PTPRD: variants seen among roughly 807,000 people sequenced by gnomAD.
PTPRD encodes receptor-type tyrosine-protein phosphatase delta.
In PTPRD, 34 loss-of-function variants were observed where a neutral mutation model predicts 214.5. That is an observed-to-expected ratio of 0.16 (90% CI 0.12 to 0.21). The LOEUF (loss-of-function observed/expected upper bound fraction) is 0.21. Among genes scored for constraint, PTPRD ranks in the 10% least tolerant of loss-of-function variants. The pLI, the probability that PTPRD is intolerant of heterozygous loss-of-function variation, is 1.00. For synonymous variants in PTPRD, 1,128 were observed against 845.7 expected (o/e 1.33, Z -5.79); for missense variants, 2,545 against 2,398.7 (o/e 1.06, Z -1.27).
chr9:9,991,663 G>A (rs1332543406), intron 4 of PTPRD, among the ~76,000 whole-genome samples: 1 of 152,120 alleles, frequency 6.6e-6, no homozygotes, highest in Non-Finnish European at 1.5e-5. Flanking sequence ...GCCCGGCCCA[G>A]CCCAAAATAT....
chr9:9,781,926 G>C (rs953110161), intron 5 of PTPRD, among the ~76,000 whole-genome samples: 1 of 151,974 alleles, frequency 6.6e-6, no homozygotes, highest in African/African-American at 2.4e-5. Flanking sequence ...CCAAGTAGCT[G>C]GGACTACAGG....
chr9:8,338,914 C>G lies in PTPRD; in HGVS notation c.5379+8G>C, dbSNP rs886986840. ...AATGGTTAAGAGTTGAAGACTGTGC[C>G]AACTTACCCTGGCATCTGTGACCTT... On this transcript the variant is annotated splice_region_variant and intron_variant, in intron 43 of 45. Transcript: ENST00000381196. The G allele has an allele frequency of 6.2e-7, 1 of 1,602,602 alleles. No individual in the cohort carries two copies. The highest frequency in any genetic ancestry group is 1.3e-5 in the African/African-American group (1 of 74,404).
At chr9:8,445,372 T>C (rs1053738604) in intron 34 of PTPRD, among the ~76,000 whole-genome samples, 3 of 152,176 alleles carry the variant, frequency 2.0e-5, no homozygotes. Context: ...ACACTTACAA[T>C]CAATCATGCA....
At chr9:9,815,229 C>T (rs867105103) in intron 5 of PTPRD, among the ~76,000 whole-genome samples, 17 of 152,198 alleles carry the variant, frequency 1.1e-4, no homozygotes, top group Middle Eastern at 6.8e-3. Flanking sequence ...ATAAGGTCGG[C>T]TAATCTTTGA....
At chr9:9,052,226 G>A (rs751730676) in intron 10 of PTPRD, among the ~76,000 whole-genome samples, 13 of 152,114 alleles carry the variant, frequency 8.5e-5, no homozygotes, top group Non-Finnish European at 1.3e-4. Context: ...CCATTCATGA[G>A]GGTTCTGCCC....
chr9:9,861,797 A>G (rs1156747748), intron 5 of PTPRD, among the ~76,000 whole-genome samples: 1 of 152,196 alleles, frequency 6.6e-6, no homozygotes, highest in Non-Finnish European at 1.5e-5. Flanking sequence ...AATGACAAGA[A>G]AAACAAGTCA....
chr9:8,653,321 C>T (rs1021506993), intron 12 of PTPRD, among the ~76,000 whole-genome samples: 1 of 152,140 alleles, frequency 6.6e-6, no homozygotes, highest in East Asian at 1.9e-4. Flanking sequence ...AAGACAAAAA[C>T]AGTGTTTAGA....
intron 11 of PTPRD, among the ~76,000 whole-genome samples, chr9:8,909,262 T>A (rs1007301319): frequency 6.6e-6 from 1 of 152,118 alleles, no homozygotes; most frequent in Non-Finnish European, 1.5e-5. Context: ...CATTCTATGA[T>A]GCTGGCATTA....
At chr9:9,625,131 T>C (rs1384499405) in intron 7 of PTPRD, among the ~76,000 whole-genome samples, 2 of 152,210 alleles carry the variant, frequency 1.3e-5, no homozygotes, top group Non-Finnish European at 2.9e-5. Flanking sequence ...CAGTAGTTCT[T>C]GGACCTGCCT....
At chr9:8,819,113 G>T (rs7864631) in intron 11 of PTPRD, among the ~76,000 whole-genome samples, 1 of 152,000 alleles carries the variant, frequency 6.6e-6, no homozygotes, top group Admixed American at 6.6e-5. Flanking sequence ...TATCCTTAAC[G>T]TTGTTAGGAT....
At chr9:10,597,544 A>G (rs1306659264) in intron 2 of PTPRD, among the ~76,000 whole-genome samples, 2 of 151,952 alleles carry the variant, frequency 1.3e-5, no homozygotes, top group East Asian at 3.9e-4. Flanking sequence ...ACTTTAAAAT[A>G]ATGCATGACT....
intron 9 of PTPRD, among the ~76,000 whole-genome samples, chr9:9,318,601 A>C (rs554273655): frequency 6.6e-6 from 1 of 152,314 alleles, no homozygotes; most frequent in South Asian, 2.1e-4. Context: ...AAACGATTTC[A>C]AAGAATTTAA....
At chr9:9,665,260 A>G (rs2154382647) in intron 7 of PTPRD, among the ~76,000 whole-genome samples, 1 of 151,846 alleles carries the variant, frequency 6.6e-6, no homozygotes, top group Middle Eastern at 3.4e-3. Flanking sequence ...ACCACAAATA[A>G]TTGATGTAAA....
At chr9:8,721,511 A>G (rs1392484410) in intron 12 of PTPRD, among the ~76,000 whole-genome samples, 3 of 152,046 alleles carry the variant, frequency 2.0e-5, no homozygotes. Context: ...CACTGTGGTA[A>G]TTAATTAAGA....
At chr9:9,723,506 T>C (rs1310009755) in intron 7 of PTPRD, among the ~76,000 whole-genome samples, 1 of 152,060 alleles carries the variant, frequency 6.6e-6, no homozygotes, top group Admixed American at 6.6e-5. Flanking sequence ...TTGGCTATTC[T>C]GGGTCCTTGA....
At chr9:9,718,176 T>G (rs1259064505) in intron 7 of PTPRD, among the ~76,000 whole-genome samples, 1 of 152,210 alleles carries the variant, frequency 6.6e-6, no homozygotes, top group Non-Finnish European at 1.5e-5. Context: ...TTGGCTTTCT[T>G]TAAAGAAAGT....
At chr9:9,415,377 G>A (rs2142122013) in intron 8 of PTPRD, among the ~76,000 whole-genome samples, 1 of 152,180 alleles carries the variant, frequency 6.6e-6, no homozygotes, top group Non-Finnish European at 1.5e-5. Flanking sequence ...GGGAGGCTGA[G>A]GCACAAGAAT....
At chr9:9,348,290 T>C (rs555475814) in intron 9 of PTPRD, among the ~76,000 whole-genome samples, 15 of 152,240 alleles carry the variant, frequency 9.9e-5, no homozygotes, top group Admixed American at 3.9e-4. Context: ...ATAATGTCTC[T>C]GGCACTGAAA....
chr9:9,998,713 C>A (rs1163474808), intron 4 of PTPRD, among the ~76,000 whole-genome samples: 2 of 152,118 alleles, frequency 1.3e-5, no homozygotes, highest in Non-Finnish European at 2.9e-5. Flanking sequence ...GCAGTAGTTG[C>A]TCTAAATAAC....
Sources: allele counts gnomAD v4.1 joint callset (sites outside exome capture counted in the v4.1 genomes callset), GRCh38; gene constraint gnomAD v4.1.1; transcripts MANE v1.5; gene names NCBI Gene and HGNC (gene_info 2026-07-23, HGNC 2026-07-21).